The following NAALADL2 variants were observed in gnomAD, a reference collection of about 807,000 sequenced individuals.
NAALADL2 encodes the protein N-acetylated alpha-linked acidic dipeptidase like 2.
NAALADL2 carries 76 observed loss-of-function variants against 87.2 expected under a neutral mutation model. The observed-to-expected ratio is 0.87, with a 90% CI of 0.72 to 1.05. The LOEUF (loss-of-function observed/expected upper bound fraction) is 1.05. Among genes scored for constraint, NAALADL2 ranks in the 50% least tolerant of loss-of-function variants. The pLI, the probability that NAALADL2 is intolerant of heterozygous loss-of-function variation, is 0.00. For missense variants in NAALADL2, 1,089 were observed against 945.8 expected, an observed-to-expected ratio of 1.15 and a Z score of -1.99; for synonymous variants, 354 against 331.0, an observed-to-expected ratio of 1.07 and a Z score of -0.75.
At chr3:174,784,739 A>G (rs1395196199) in intron 3 of NAALADL2, among the ~76,000 whole-genome samples, 1 of 152,180 alleles carries the variant, frequency 6.6e-6, no homozygotes, top group East Asian at 1.9e-4. Flanking sequence ...CTTTATGCCC[A>G]AGCAGAGGTT....
At chr3:174,842,235 G>A (rs547358735) in intron 3 of NAALADL2, among the ~76,000 whole-genome samples, 31 of 151,964 alleles carry the variant, frequency 2.0e-4, no homozygotes, top group Non-Finnish European at 4.0e-4. Flanking sequence ...ATGTTTAGTA[G>A]AGACAGGGTT....
At chr3:175,493,133 T>C (rs567766527) in intron 9 of NAALADL2, among the ~76,000 whole-genome samples, 2 of 152,216 alleles carry the variant, frequency 1.3e-5, no homozygotes, top group East Asian at 3.9e-4. Flanking sequence ...AACTAAATGC[T>C]GAATGCACTT....
chr3:175,746,334 C>A (rs1480157764), intron 12 of NAALADL2, among the ~76,000 whole-genome samples: 1 of 139,036 alleles, frequency 7.2e-6, no homozygotes, highest in Admixed American at 7.3e-5. Context: ...TTTTTTTAAT[C>A]AATTGCAAAT....
chr3:174,946,231 T>C (rs1328851218), intron 1 of NAALADL2, among the ~76,000 whole-genome samples: 3 of 151,958 alleles, frequency 2.0e-5, no homozygotes, highest in Admixed American at 2.0e-4. Context: ...ATGGAATGCG[T>C]TTTTTATAAA....
chr3:174,972,385 A>G (rs1003857467), intron 1 of NAALADL2, among the ~76,000 whole-genome samples: 1 of 152,166 alleles, frequency 6.6e-6, no homozygotes, highest in African/African-American at 2.4e-5. Flanking sequence ...TCTGAAGGCT[A>G]AAAGTCCAAA....
chr3:175,155,862 C>G (rs13068869), intron 2 of NAALADL2, among the ~76,000 whole-genome samples: 1 of 151,714 alleles, frequency 6.6e-6, no homozygotes, highest in Non-Finnish European at 1.5e-5. Flanking sequence ...AAACTCCCCA[C>G]GTAACGGTAA....
rs1310666223 is a variant in NAALADL2, at chr3:175,810,332, T to G, written c.*7129T>G. 1 of 151,898 alleles carries G rather than the reference T, an allele frequency of 6.6e-6. No homozygotes were observed. Among genetic ancestry groups the G allele is most frequent in the Non-Finnish European group, 1.5e-5 (1 of 67,938 alleles). 9.4% of individuals were successfully genotyped at this position (151,898 alleles called of 1,614,324 possible). A position where few individuals can be genotyped will look rare whatever the true frequency, so the allele number is the denominator to read the frequency against. ...TAAGAAATTATGTTGTGATCTGGAGTGACACAAATGGATTGAGATACCACA... is the reference window on the plus strand; with the variant it reads ...TAAGAAATTATGTTGTGATCTGGAGGGACACAAATGGATTGAGATACCACA... On this transcript the variant is annotated 3_prime_UTR_variant, in exon 14 of 14. Transcript: ENST00000454872.
At chr3:175,092,089 CTA>C (rs1480916257) in intron 1 of NAALADL2, among the ~76,000 whole-genome samples, 10 of 151,806 alleles carry the variant, frequency 6.6e-5, no homozygotes, top group African/African-American at 2.4e-4. Flanking sequence ...ATGTGTTAGA[CTA>C]TGTTTTGAGC....
At chr3:175,212,330 G>A (rs1215225061) in intron 2 of NAALADL2, among the ~76,000 whole-genome samples, 1 of 148,922 alleles carries the variant, frequency 6.7e-6, no homozygotes, top group African/African-American at 2.6e-5. Flanking sequence ...TCAAGTCATA[G>A]TAAGGTAAAA....
At chr3:174,768,248 A>C (rs1236195380) in intron 3 of NAALADL2, among the ~76,000 whole-genome samples, 1 of 152,168 alleles carries the variant, frequency 6.6e-6, no homozygotes, top group East Asian at 1.9e-4. Flanking sequence ...CAGTGAGTAA[A>C]TCATATCATG....
At chr3:175,374,168 T>A (rs1170774448) in intron 5 of NAALADL2, among the ~76,000 whole-genome samples, 2 of 152,164 alleles carry the variant, frequency 1.3e-5, no homozygotes, top group African/African-American at 2.4e-5. Flanking sequence ...TTATTTATTT[T>A]TATTTTATTG....
chr3:174,796,202 A>T (rs1240667813), intron 3 of NAALADL2, among the ~76,000 whole-genome samples: 1 of 152,214 alleles, frequency 6.6e-6, no homozygotes, highest in East Asian at 1.9e-4. Flanking sequence ...AGGGCTCAGG[A>T]AAAAAGCAAC....
intron 1 of NAALADL2, among the ~76,000 whole-genome samples, chr3:175,011,493 G>A (rs2108806914): frequency 6.6e-6 from 1 of 152,274 alleles, no homozygotes; most frequent in Middle Eastern, 3.4e-3. Flanking sequence ...GAATAGTAAA[G>A]CCAATATTCA....
chr3:174,569,358 C>T (rs965502803), intron 2 of NAALADL2, among the ~76,000 whole-genome samples: 6 of 151,738 alleles, frequency 4.0e-5, no homozygotes, highest in Admixed American at 2.6e-4. Context: ...AAATAAAGTA[C>T]CCAGTTAAAG....
intron 2 of NAALADL2, among the ~76,000 whole-genome samples, chr3:175,209,161 G>A (rs1201632428): frequency 1.3e-5 from 2 of 152,102 alleles, no homozygotes; most frequent in African/African-American, 4.8e-5. Flanking sequence ...AAAACATGTC[G>A]TCTGTTCCTA....
chr3:174,640,757 A>G (rs1257664279), intron 2 of NAALADL2, among the ~76,000 whole-genome samples: 1 of 152,192 alleles, frequency 6.6e-6, no homozygotes, highest in Non-Finnish European at 1.5e-5. Flanking sequence ...TGCTTGAGGC[A>G]TAAAAAAGGC....
chr3:175,189,994 T>C (rs1017967582), intron 2 of NAALADL2, among the ~76,000 whole-genome samples: 1 of 152,156 alleles, frequency 6.6e-6, no homozygotes, highest in African/African-American at 2.4e-5. Flanking sequence ...AAGGACAGTC[T>C]TTTCAATAAA....
At chr3:175,449,018 A>AT (rs1721120008) in intron 6 of NAALADL2, among the ~76,000 whole-genome samples, 1 of 152,070 alleles carries the variant, frequency 6.6e-6, no homozygotes, top group South Asian at 2.1e-4. Context: ...AACTGGATTA[A>AT]TTTTTTTGTA....
intron 3 of NAALADL2, among the ~76,000 whole-genome samples, chr3:175,250,907 A>T (rs560114962): frequency 6.6e-6 from 1 of 152,230 alleles, no homozygotes; most frequent in South Asian, 2.1e-4. Flanking sequence ...ATAACATGGG[A>T]TCCCTGTTAG....
Sources: gnomAD v4.1 joint callset for allele counts (sites outside exome capture counted in the v4.1 genomes callset) on GRCh38, gnomAD v4.1.1 for gene constraint, MANE v1.5 for transcripts, NCBI Gene and HGNC (gene_info 2026-07-23, HGNC 2026-07-21) for gene names.